Variants in RASAL2 observed in about 807,000 individuals in gnomAD.
RASAL2 encodes the protein ras GTPase-activating protein nGAP.
In RASAL2, 58 loss-of-function variants were observed where a neutral mutation model predicts 128.9. That is an observed-to-expected ratio of 0.45 (90% CI 0.36 to 0.56). The LOEUF is 0.56. Among genes scored for constraint, RASAL2 ranks in the 20% least tolerant of loss-of-function variants. The probability of loss-of-function intolerance (pLI) is 0.00; values close to 1 mark genes in which losing one functional copy is unlikely to be tolerated. For synonymous variants in RASAL2, 561 were observed against 580.8 expected, an observed-to-expected ratio of 0.97 and a Z score of 0.49; for missense variants, 1,360 against 1,601.6, an observed-to-expected ratio of 0.85 and a Z score of 2.57.
At chr1:178,166,326 A>G (rs1411526519) in intron 1 of RASAL2, among the ~76,000 whole-genome samples, 1 of 152,166 alleles carries the variant, frequency 6.6e-6, no homozygotes, top group Non-Finnish European at 1.5e-5. Context: ...AATGATAGAT[A>G]TCCTCATGGG....
At chr1:178,161,960 T>A (rs937748165) in intron 1 of RASAL2, among the ~76,000 whole-genome samples, 5 of 150,380 alleles carry the variant, frequency 3.3e-5, no homozygotes, top group Non-Finnish European at 5.9e-5. Context: ...TTATTTATTT[T>A]TATTTATTTA....
chr1:178,236,833 G>A (rs1237455560), intron 1 of RASAL2, among the ~76,000 whole-genome samples: 1 of 146,018 alleles, frequency 6.8e-6, no homozygotes. Context: ...GTGCGATCTC[G>A]GCTCACTGCA....
intron 3 of RASAL2, among the ~76,000 whole-genome samples, chr1:178,349,090 C>A (rs1670312467): frequency 1.3e-5 from 2 of 151,016 alleles, no homozygotes; most frequent in African/African-American, 2.4e-5. Flanking sequence ...TGAGCCACCG[C>A]GCCCGGCCCG....
At chr1:178,373,976 G>A (rs1184127290) in intron 3 of RASAL2, among the ~76,000 whole-genome samples, 2 of 152,098 alleles carry the variant, frequency 1.3e-5, no homozygotes, top group African/African-American at 4.8e-5. Context: ...ATAAAAACAG[G>A]TAAGTTAGAG....
At position 178,317,141 on chromosome 1, in the gene RASAL2, C is replaced by T. The variant is rs922250285; in HGVS notation, c.457+17023C>T. On this transcript the variant is annotated intron_variant, in intron 3 of 17. Coordinates refer to ENST00000367649, the MANE Select transcript of RASAL2 (RefSeq NM_170692.4). ...CCAGCCTTGCATCCCAGCGATGAAG[C>T]CCACTTGATCATGGTGGATAAGCTT... Among the ~76,000 whole-genome samples, 20 of 129,222 alleles carry T rather than the reference C, an allele frequency of 1.5e-4. 3 individuals carry two copies. Among genetic ancestry groups the T allele is most frequent in the African/African-American group, 7.6e-4 (20 of 26,246 alleles). The allele number at this position is 129,222 out of a possible 152,430, so 84.8% of individuals were successfully genotyped here.
rs527432876 is a variant in RASAL2 at position 178,287,276 on chromosome 1, A to G, written c.330+3585A>G. Among the ~76,000 whole-genome samples, 14 of 151,672 alleles carry G rather than the reference A, an allele frequency of 9.2e-5. 1 individual carries two copies. The highest frequency in any genetic ancestry group is 1.8e-4 in the Non-Finnish European group (12 of 67,978). On this transcript the variant is annotated intron_variant, in intron 2 of 17. Transcript: ENST00000367649. ...TGTTAAACAAATGGCTGCAAACCTC[A>G]TATCAGCCCATAATGCTGCTTGGCA...
Position 178,094,531 on chromosome 1 carries a change from G to A in RASAL2, c.39G>A (p.Ala13=), listed in dbSNP as rs1487911333. The change falls in exon 1 of 18, where the codon GCG becomes GCA. Residue 13 remains alanine, a synonymous_variant. Coordinates refer to ENST00000367649, the MANE Select transcript of RASAL2 (RefSeq NM_170692.4). The part of the protein sequence containing the change: ...LSPSSGGAAE[A]LSWPEMFPAL... ...CGTCGTCCGGAGGAGCCGCGGAGGC[G>A]CTGTCCTGGCCGGAGATGTTCCCGG... The A allele has an allele frequency of 6.3e-7, 1 of 1,577,046 alleles. No homozygotes were observed. Among genetic ancestry groups the A allele is most frequent in the Non-Finnish European group, 8.6e-7 (1 of 1,162,204 alleles).
chr1:178,169,499 T>C (rs1661633011), intron 1 of RASAL2, among the ~76,000 whole-genome samples: 1 of 152,154 alleles, frequency 6.6e-6, no homozygotes, highest in Non-Finnish European at 1.5e-5. Context: ...TGCTTACCTT[T>C]GGGTATGTCA....
intron 1 of RASAL2, among the ~76,000 whole-genome samples, chr1:178,240,935 A>G (rs887285159): frequency 6.6e-6 from 1 of 151,150 alleles, no homozygotes; most frequent in Non-Finnish European, 1.5e-5. Context: ...ACATATTTTT[A>G]TTTTTATTCA....
chr1:178,115,743 G>A (rs188600558), intron 1 of RASAL2, among the ~76,000 whole-genome samples: 2 of 152,316 alleles, frequency 1.3e-5, no homozygotes, highest in East Asian at 3.9e-4. Context: ...GATTCCTGTG[G>A]AGCAGAGAGA....
intron 1 of RASAL2, among the ~76,000 whole-genome samples, chr1:178,179,042 A>G (rs950607462): frequency 6.6e-6 from 1 of 152,192 alleles, no homozygotes; most frequent in Admixed American, 6.5e-5. Context: ...TATTATTTGA[A>G]GTCCTTACAA....
At chr1:178,218,381 T>C (rs1467153323) in intron 1 of RASAL2, among the ~76,000 whole-genome samples, 1 of 152,028 alleles carries the variant, frequency 6.6e-6, no homozygotes, top group African/African-American at 2.4e-5. Flanking sequence ...GTCTCAACAG[T>C]GGGGCTTAAT....
chr1:178,167,925 G>C (rs1208642032), intron 1 of RASAL2, among the ~76,000 whole-genome samples: 1 of 152,002 alleles, frequency 6.6e-6, no homozygotes, highest in Non-Finnish European at 1.5e-5. Flanking sequence ...CTGCTTTTAA[G>C]GGGGAGTGCA....
At chr1:178,162,537 T>A (rs1487037185) in intron 1 of RASAL2, among the ~76,000 whole-genome samples, 1 of 116,648 alleles carries the variant, frequency 8.6e-6, no homozygotes, top group East Asian at 2.2e-4. Context: ...TAATATATCT[T>A]TATATAAAAT....
rs1407417537 is a variant in RASAL2, at chr1:178,094,386, GC to G, written c.-104del. On this transcript the variant is annotated 5_prime_UTR_variant, in exon 1 of 18. Coordinates refer to ENST00000367649, the MANE Select transcript of RASAL2 (RefSeq NM_170692.4). ...CGCGCCGGCTGCCGCTCGGGTCCCTGCCCTCGCTGCGCGCTCTCCTCCTCCC... is the reference window on the plus strand; with the variant it reads ...CGCGCCGGCTGCCGCTCGGGTCCCTGCCTCGCTGCGCGCTCTCCTCCTCCC... 1.0e-5 allele frequency: 11 copies of G among 1,101,442 alleles called. No homozygotes were observed. The Admixed American group carries it at 3.5e-4, about 35-fold the overall frequency. The allele number at this position is 1,101,442 out of a possible 1,614,324, so 68.2% of individuals were successfully genotyped here. A position where few individuals can be genotyped will look rare whatever the true frequency, so the allele number is the denominator to read the frequency against.
chr1:178,435,359 A>G (rs80015874), intron 5 of RASAL2, among the ~76,000 whole-genome samples: 1 of 152,114 alleles, frequency 6.6e-6, no homozygotes, highest in Admixed American at 6.6e-5. Flanking sequence ...TTAAAATTGC[A>G]CTAATCAGTG....
chr1:178,200,874 G>T (rs1371490352), intron 1 of RASAL2, among the ~76,000 whole-genome samples: 1 of 152,126 alleles, frequency 6.6e-6, no homozygotes, highest in Non-Finnish European at 1.5e-5. Flanking sequence ...AACCCATGCT[G>T]CCATCATCCT....
In RASAL2 at chr1:178,280,298, T is replaced by G. The variant is rs1336976505; in HGVS notation, c.203-3266T>G. Among the ~76,000 whole-genome samples the G allele has an allele frequency of 4.6e-5, 7 of 152,144 alleles. 1 individual carries two copies. The South Asian group carries it at 1.2e-3, about 27-fold the overall frequency. On this transcript the variant is annotated intron_variant, in intron 1 of 17. Coordinates refer to ENST00000367649, the MANE Select transcript of RASAL2 (RefSeq NM_170692.4). ...AAACAGATATAAAAACCTTGCTGTC[T>G]TCTATTCAGCCAGACTTTAAAGAGA... is the stretch of plus-strand genomic sequence containing the variant.
intron 2 of RASAL2, among the ~76,000 whole-genome samples, chr1:178,294,001 A>G (rs1180785356): frequency 2.0e-5 from 3 of 152,090 alleles, no homozygotes; most frequent in Non-Finnish European, 4.4e-5. Flanking sequence ...AGAGAGAACA[A>G]ACTAAGCCAT....
Sources: allele counts gnomAD v4.1 joint callset (sites outside exome capture counted in the v4.1 genomes callset), GRCh38; gene constraint gnomAD v4.1.1; transcripts MANE v1.5; gene names NCBI Gene and HGNC (gene_info 2026-07-23, HGNC 2026-07-21).